The following RBFOX1 variants were observed in gnomAD, a reference collection of about 807,000 sequenced individuals.
RBFOX1 encodes RNA binding fox-1 homolog 1.
RBFOX1 carries 8 observed loss-of-function variants against 57.7 expected under a neutral mutation model. The observed-to-expected ratio is 0.14, with a 90% CI of 0.08 to 0.25. RBFOX1 has a LOEUF of 0.25. RBFOX1 is among the 10% of genes least tolerant of loss of function. RBFOX1 has a pLI of 1.00. For missense variants in RBFOX1, 611 were observed against 548.5 expected, an observed-to-expected ratio of 1.11 and a Z score of -1.14; for synonymous variants, 326 against 222.4, an observed-to-expected ratio of 1.47 and a Z score of -4.15.
At chr16:7,052,489 G>T (rs968410130) in intron 4 of RBFOX1, among the ~76,000 whole-genome samples, 1 of 152,164 alleles carries the variant, frequency 6.6e-6, no homozygotes, top group Non-Finnish European at 1.5e-5. Context: ...TTTGGCTGTT[G>T]ACTGGGGTGG....
chr16:5,381,210 C>T (rs1417555574), intron 1 of RBFOX1, among the ~76,000 whole-genome samples: 1 of 152,164 alleles, frequency 6.6e-6, no homozygotes, highest in Non-Finnish European at 1.5e-5. Context: ...GAGAGAGACT[C>T]AGTAAAAGGC....
At chr16:6,636,001 A>G (rs1009110145) in intron 2 of RBFOX1, among the ~76,000 whole-genome samples, 4 of 152,170 alleles carry the variant, frequency 2.6e-5, no homozygotes, top group Non-Finnish European at 5.9e-5. Flanking sequence ...CACATCATAC[A>G]CATAACCTGA....
chr16:5,965,072 G>C (rs948736840), intron 4 of RBFOX1, among the ~76,000 whole-genome samples: 1 of 152,054 alleles, frequency 6.6e-6, no homozygotes, highest in Non-Finnish European at 1.5e-5. Flanking sequence ...CTTATACGTA[G>C]AATCTAAAAA....
chr16:6,468,292 AC>A (rs1240433721), intron 2 of RBFOX1, among the ~76,000 whole-genome samples: 1 of 152,150 alleles, frequency 6.6e-6, no homozygotes, highest in African/African-American at 2.4e-5. Flanking sequence ...ATAGCAAGTT[AC>A]CCAGATATGT....
chr16:5,976,606 T>C lies in RBFOX1; in HGVS notation c.351+109271T>C, dbSNP rs62013933. Among the ~76,000 whole-genome samples the C allele has an allele frequency of 5.9e-3, 892 of 152,244 alleles. 4 individuals are homozygous for C. Among genetic ancestry groups the C allele is most frequent in the Non-Finnish European group, 9.6e-3 (653 of 68,000 alleles). ...ATTTGAGGCCAGGCACAGTGGCTCA[T>C]ACCTGCAGTCCCAGGACTTTGGGAG... On this transcript the variant is annotated intron_variant, in intron 4 of 19. Coordinates refer to the RBFOX1 transcript ENST00000641259.
At chr16:7,425,560 G>T (rs1462424753) in intron 4 of RBFOX1, among the ~76,000 whole-genome samples, 1 of 152,164 alleles carries the variant, frequency 6.6e-6, no homozygotes, top group African/African-American at 2.4e-5. Flanking sequence ...TTGTTTCCAA[G>T]TGGCAAATGT....
At chr16:7,179,595 CT>C (rs372434365) in intron 4 of RBFOX1, among the ~76,000 whole-genome samples, 176 of 149,038 alleles carry the variant, frequency 1.2e-3, no homozygotes, top group African/African-American at 3.5e-3. Flanking sequence ...ACATGGTTTC[CT>C]TTTTTTTTTA....
Position 7,600,949 on chromosome 16 carries a change from C to T in RBFOX1, c.622+3518C>T, listed in dbSNP as rs558180239. On this transcript the variant is annotated intron_variant, in intron 9 of 15. Transcript: ENST00000550418. ...CCACAAAGAGGGGATTGGACTATTT[C>T]TCTATTGCTATTTCTCTGAAGGACA... is the stretch of plus-strand genomic sequence containing the variant. 5.6e-4 allele frequency among the ~76,000 whole-genome samples: 86 copies of T among 152,284 alleles called. 3 individuals carry two copies. In the South Asian group the frequency reaches 0.013, roughly 23 times the overall value.
chr16:6,458,669 A>G (rs915735978), intron 2 of RBFOX1, among the ~76,000 whole-genome samples: 1 of 152,216 alleles, frequency 6.6e-6, no homozygotes, highest in Non-Finnish European at 1.5e-5. Flanking sequence ...AGGCCCCTCA[A>G]ACCACAGGGA....
chr16:6,971,700 G>C (rs976537919), intron 3 of RBFOX1, among the ~76,000 whole-genome samples: 1 of 152,132 alleles, frequency 6.6e-6, no homozygotes, highest in African/African-American at 2.4e-5. Flanking sequence ...GTTGGGGTTA[G>C]GGTGTTGTTA....
intron 2 of RBFOX1, among the ~76,000 whole-genome samples, chr16:5,541,851 A>G (rs2044966946): frequency 6.6e-6 from 1 of 152,214 alleles, no homozygotes; most frequent in African/African-American, 2.4e-5. Flanking sequence ...TGGCTGTTCT[A>G]CGGAAAGCAT....
chr16:6,826,896 G>A (rs117202497), intron 3 of RBFOX1, among the ~76,000 whole-genome samples: 2,172 of 152,160 alleles, frequency 0.014, 34 homozygotes, highest in Non-Finnish European at 0.018. Context: ...GAAATTTTCC[G>A]AATAAAATCT....
intron 1 of RBFOX1, among the ~76,000 whole-genome samples, chr16:5,284,755 G>GTTTTTTTT (rs2063350890): frequency 2.1e-4 from 6 of 28,502 alleles, no homozygotes; most frequent in Non-Finnish European, 2.8e-4. Context: ...TTTTGGCTTA[G>GTTTTTTTT]ATTTTTTTTT....
At chr16:5,363,297 G>T (rs2065607754) in intron 1 of RBFOX1, among the ~76,000 whole-genome samples, 1 of 150,446 alleles carries the variant, frequency 6.6e-6, no homozygotes, top group African/African-American at 2.5e-5. Flanking sequence ...CACCTTCCTT[G>T]GTCTCCCAAA....
chr16:5,747,894 A>T (rs553981823), intron 3 of RBFOX1, among the ~76,000 whole-genome samples: 67 of 151,936 alleles, frequency 4.4e-4, no homozygotes, highest in Non-Finnish European at 6.0e-4. Context: ...CTCTGATCTT[A>T]GTTATTTCTT....
At chr16:6,852,732 C>A (rs368910218) in intron 3 of RBFOX1, among the ~76,000 whole-genome samples, 1 of 151,594 alleles carries the variant, frequency 6.6e-6, no homozygotes, top group Admixed American at 6.6e-5. Flanking sequence ...GGGCTGGGAA[C>A]TAGCTGTCTA....
intron 2 of RBFOX1, chr16:6,577,274 C>G (rs1389994661): frequency 1.3e-5 from 2 of 152,144 alleles, no homozygotes; most frequent in Non-Finnish European, 2.9e-5. Flanking sequence ...TAACATCATA[C>G]TAATGGAACA....
At chr16:6,998,999 G>C (rs150254704) in intron 3 of RBFOX1, among the ~76,000 whole-genome samples, 4 of 151,472 alleles carry the variant, frequency 2.6e-5, no homozygotes, top group African/African-American at 7.3e-5. Context: ...ATCCTGAGTA[G>C]CTGGAATTAC....
At position 7,307,834 on chromosome 16, in the gene RBFOX1, A is replaced by G. The variant is rs537413217; in HGVS notation, c.28-210313A>G. ...GAACGGACAAGTAGTCCTTGGAGCA[A>G]CTGGCTTCAATCTTGCTGTCCAGGG... On this transcript the variant is annotated intron_variant, in intron 4 of 15. Coordinates refer to ENST00000550418, the MANE Select transcript of RBFOX1 (RefSeq NM_018723.4). Among the ~76,000 whole-genome samples the G allele has an allele frequency of 3.9e-4, 59 of 152,306 alleles. 1 individual carries two copies. The highest frequency in any genetic ancestry group is 1.4e-3 in the African/African-American group (58 of 41,556).
Sources: gnomAD v4.1 joint callset for allele counts (sites outside exome capture counted in the v4.1 genomes callset) on GRCh38, gnomAD v4.1.1 for gene constraint, MANE v1.5 for transcripts, NCBI Gene and HGNC (gene_info 2026-07-23, HGNC 2026-07-21) for gene names.